PACRG: variants seen among roughly 807,000 people sequenced by gnomAD.
PACRG encodes parkin coregulated.
A neutral mutation model predicts 29.7 loss-of-function variants in PACRG; 29 were observed. The ratio of observed to expected loss-of-function variants is 0.98; its 90% CI spans 0.73 to 1.33. PACRG has a LOEUF of 1.33. Among genes scored for constraint, PACRG ranks in the 40% most tolerant of loss-of-function variants. The pLI is 0.00. For synonymous variants in PACRG, 116 were observed against 118.7 expected (o/e 0.98, Z 0.15); for missense variants, 279 against 316.2 (o/e 0.88, Z 0.89).
At chr6:163,245,277 C>T (rs1782649798) in intron 4 of PACRG, 1 of 235,998 alleles carries the variant, frequency 4.2e-6, no homozygotes. Context: ...TGTTAAACTA[C>T]TCTTGGAAAC....
At chr6:163,112,847 C>T (rs553016726) in intron 4 of PACRG, among the ~76,000 whole-genome samples, 16 of 152,112 alleles carry the variant, frequency 1.1e-4, no homozygotes, top group African/African-American at 3.9e-4. Context: ...ACAAGGCATA[C>T]AAAGAAACAG....
intron 4 of PACRG, among the ~76,000 whole-genome samples, chr6:163,175,466 C>A (rs530041133): frequency 1.2e-4 from 18 of 151,802 alleles, no homozygotes; most frequent in Admixed American, 2.0e-4. Context: ...ATCACTCCCC[C>A]CCAGCCACCT....
At chr6:162,846,896 G>T (rs1282355831) in intron 2 of PACRG, among the ~76,000 whole-genome samples, 1 of 144,090 alleles carries the variant, frequency 6.9e-6, no homozygotes, top group East Asian at 2.2e-4. Context: ...TGACCACTGT[G>T]CTCCCCACAC....
chr6:162,782,360 A>G (rs1176020233), intron 1 of PACRG, among the ~76,000 whole-genome samples: 2 of 152,064 alleles, frequency 1.3e-5, no homozygotes, highest in African/African-American at 4.8e-5. Flanking sequence ...TTATTATAAC[A>G]AACATTTTTT....
intron 2 of PACRG, among the ~76,000 whole-genome samples, chr6:162,857,064 C>T (rs1791458950): frequency 6.6e-6 from 1 of 152,158 alleles, no homozygotes; most frequent in African/African-American, 2.4e-5. Context: ...TGCTTTGAGC[C>T]TTTTTCTATA....
intron 2 of PACRG, among the ~76,000 whole-genome samples, chr6:163,022,442 G>T (rs1447205468): frequency 6.6e-6 from 1 of 152,190 alleles, no homozygotes; most frequent in Non-Finnish European, 1.5e-5. Flanking sequence ...TCACCTCAGG[G>T]TGAGAGTCCA....
chr6:162,753,651 G>C (rs943353796), intron 1 of PACRG, among the ~76,000 whole-genome samples: 3 of 150,260 alleles, frequency 2.0e-5, no homozygotes, highest in African/African-American at 7.3e-5. Context: ...GAGATAATTC[G>C]ATCATTCCCC....
intron 2 of PACRG, among the ~76,000 whole-genome samples, chr6:163,017,255 TG>T (rs1220957168): frequency 1.3e-5 from 2 of 152,048 alleles, no homozygotes; most frequent in African/African-American, 4.8e-5. Flanking sequence ...AATATAAACG[TG>T]GGGGGAGATA....
chr6:163,289,220 G>A (rs1300768798), intron 4 of PACRG, among the ~76,000 whole-genome samples: 1 of 152,204 alleles, frequency 6.6e-6, no homozygotes, highest in Non-Finnish European at 1.5e-5. Flanking sequence ...AGGACTCGCT[G>A]GTGTGCAGAG....
At chr6:162,826,400 C>T (rs1788279097) in intron 2 of PACRG, among the ~76,000 whole-genome samples, 1 of 151,840 alleles carries the variant, frequency 6.6e-6, no homozygotes, top group South Asian at 2.1e-4. Context: ...CATGTATATG[C>T]AAATATGTGT....
At chr6:162,779,150 C>T (rs758845070) in intron 1 of PACRG, among the ~76,000 whole-genome samples, 13 of 152,144 alleles carry the variant, frequency 8.5e-5, no homozygotes, top group Admixed American at 2.6e-4. Flanking sequence ...TCTGTTCCTG[C>T]GTTAGTTTGT....
At chr6:163,093,506 A>C (rs1402690992) in intron 4 of PACRG, among the ~76,000 whole-genome samples, 3 of 152,212 alleles carry the variant, frequency 2.0e-5, no homozygotes, top group South Asian at 4.1e-4. Flanking sequence ...AATGATGCAG[A>C]GTATTACATT....
At chr6:163,292,407 G>A (rs1199705068) in intron 4 of PACRG, among the ~76,000 whole-genome samples, 1 of 152,028 alleles carries the variant, frequency 6.6e-6, no homozygotes, top group Non-Finnish European at 1.5e-5. Context: ...ATGGCTTTTT[G>A]TTTTGTATTT....
rs1192551315 is a variant in PACRG at position 163,003,586 on chromosome 6, TTCTC to T, written c.292-58558_292-58555del. 4.6e-5 allele frequency among the ~76,000 whole-genome samples: 7 copies of T among 152,312 alleles called. No individual in the cohort carries two copies. The East Asian group carries it at 1.4e-3, about 29-fold the overall frequency. On this transcript the variant is annotated intron_variant, in intron 2 of 4. Transcript: ENST00000366888. ...TCTTGCCAAATATTGTTTTTAATTATTCTCTCTCTTTTCATTTTCAGTTTTAATT... is the reference window on the plus strand; with the variant it reads ...TCTTGCCAAATATTGTTTTTAATTATTCTCTTTTCATTTTCAGTTTTAATT...
chr6:163,036,442 C>T (rs1039951740), intron 2 of PACRG, among the ~76,000 whole-genome samples: 3 of 152,264 alleles, frequency 2.0e-5, no homozygotes, highest in Admixed American at 6.5e-5. Flanking sequence ...TAATAAGCTG[C>T]GCCTTGTTTG....
intron 3 of PACRG, among the ~76,000 whole-genome samples, chr6:163,076,330 CA>C (rs1812538513): frequency 6.6e-6 from 1 of 152,128 alleles, no homozygotes; most frequent in African/African-American, 2.4e-5. Context: ...AGCTTACATG[CA>C]AATTTCAGTT....
chr6:163,063,509 G>A (rs977012992), intron 3 of PACRG, among the ~76,000 whole-genome samples: 2 of 152,192 alleles, frequency 1.3e-5, no homozygotes, highest in South Asian at 4.1e-4. Flanking sequence ...ATCTCCCAGA[G>A]TCTGGATTAT....
chr6:163,235,001 G>A (rs1782180635), intron 4 of PACRG, among the ~76,000 whole-genome samples: 1 of 152,116 alleles, frequency 6.6e-6, no homozygotes, highest in African/African-American at 2.4e-5. Context: ...GAAAAGACAC[G>A]ACTATGTTTA....
intron 2 of PACRG, among the ~76,000 whole-genome samples, chr6:162,944,006 G>A (rs1006530566): frequency 6.6e-6 from 1 of 152,148 alleles, no homozygotes; most frequent in African/African-American, 2.4e-5. Context: ...GCCACCTGGA[G>A]GCCCAAGAAT....
Sources: gnomAD v4.1 joint callset for allele counts (sites outside exome capture counted in the v4.1 genomes callset) on GRCh38, gnomAD v4.1.1 for gene constraint, MANE v1.5 for transcripts, NCBI Gene and HGNC (gene_info 2026-07-23, HGNC 2026-07-21) for gene names.